Variants in KIAA1217 observed in about 807,000 individuals in gnomAD.
KIAA1217 encodes the protein KIAA1217, also known as sickle tail protein homolog.
KIAA1217 carries 88 observed loss-of-function variants against 163.9 expected under a neutral mutation model. The ratio of observed to expected loss-of-function variants is 0.54; its 90% confidence interval spans 0.45 to 0.64. The LOEUF (loss-of-function observed/expected upper bound fraction) is 0.64, where lower values mean the gene tolerates loss of function less well. KIAA1217 is among the 30% of genes least tolerant of loss of function. The probability of loss-of-function intolerance (pLI) is 0.00; values close to 1 mark genes in which losing one functional copy is unlikely to be tolerated. For synonymous variants in KIAA1217, 903 were observed against 923.1 expected (o/e 0.98, Z 0.39); for missense variants, 2,372 against 2,475.0 (o/e 0.96, Z 0.88).
intron 1 of KIAA1217, among the ~76,000 whole-genome samples, chr10:23,763,520 T>C (rs1834366506): frequency 6.6e-6 from 1 of 151,794 alleles, no homozygotes; most frequent in South Asian, 2.1e-4. Context: ...GGAAGGTAAA[T>C]GGTGCTGAGA....
chr10:24,320,518 G>T (rs976058959), intron 2 of KIAA1217, among the ~76,000 whole-genome samples: 1 of 152,138 alleles, frequency 6.6e-6, no homozygotes, highest in Admixed American at 6.5e-5. Context: ...TCTTCAGGAG[G>T]CCCCTATTAT....
At chr10:23,733,456 A>C (rs1193936263) in intron 1 of KIAA1217, among the ~76,000 whole-genome samples, 5 of 152,166 alleles carry the variant, frequency 3.3e-5, no homozygotes, top group Non-Finnish European at 5.9e-5. Flanking sequence ...TAGATGCTGG[A>C]GTCTTTTCTA....
At chr10:23,979,207 T>G (rs1234757924) in intron 1 of KIAA1217, among the ~76,000 whole-genome samples, 7 of 152,188 alleles carry the variant, frequency 4.6e-5, no homozygotes, top group Non-Finnish European at 8.8e-5. Flanking sequence ...CTTCCCAACA[T>G]TCCTTAGACT....
chr10:24,114,984 G>A (rs1049103932), intron 2 of KIAA1217, among the ~76,000 whole-genome samples: 10 of 152,110 alleles, frequency 6.6e-5, no homozygotes, highest in South Asian at 2.1e-4. Context: ...CTCAGCTTCC[G>A]GCATGTGGCT....
chr10:23,995,467 TGTGTGTGTGTGTGTGA>T, intron 1 of KIAA1217, among the ~76,000 whole-genome samples: 1 of 151,834 alleles, frequency 6.6e-6, no homozygotes, highest in East Asian at 1.9e-4. Flanking sequence ...TGTGTGTGTG[TGTGTGTGTGTGTGTGA>T]GTGTGTGTGT....
At chr10:23,757,717 C>A (rs1345718778) in intron 1 of KIAA1217, among the ~76,000 whole-genome samples, 1 of 152,004 alleles carries the variant, frequency 6.6e-6, no homozygotes, top group East Asian at 1.9e-4. Flanking sequence ...GGGTTTTCAC[C>A]ATGTTGGCCA....
intron 5 of KIAA1217, among the ~76,000 whole-genome samples, chr10:24,447,962 T>G (rs759175655): frequency 1.4e-4 from 21 of 151,950 alleles, no homozygotes; most frequent in Admixed American, 5.2e-4. Flanking sequence ...AAACCCTATC[T>G]CTACTAAAAA....
At chr10:24,224,343 C>CT (rs141232731) in intron 2 of KIAA1217, among the ~76,000 whole-genome samples, 2,689 of 148,750 alleles carry the variant, frequency 0.018, 29 homozygotes, top group African/African-American at 0.023. Flanking sequence ...TTTTTTCTTT[C>CT]TTTTTTTTTT....
intron 2 of KIAA1217, among the ~76,000 whole-genome samples, chr10:24,238,786 C>G (rs985070353): frequency 6.6e-6 from 1 of 152,142 alleles, no homozygotes; most frequent in Non-Finnish European, 1.5e-5. Context: ...CACGCATGGC[C>G]GCTGTAGGTT....
chr10:24,366,344 C>CT (rs968681819), intron 2 of KIAA1217, among the ~76,000 whole-genome samples: 26 of 152,100 alleles, frequency 1.7e-4, no homozygotes, highest in African/African-American at 5.1e-4. Context: ...ACTCCGGAGG[C>CT]TGAGGCAGGA....
At chr10:23,699,216 C>G (rs76470662) in intron 1 of KIAA1217, among the ~76,000 whole-genome samples, 1 of 152,198 alleles carries the variant, frequency 6.6e-6, no homozygotes, top group Non-Finnish European at 1.5e-5. Flanking sequence ...GTTTCAGACA[C>G]GGGCCTGGTC....
intron 1 of KIAA1217, among the ~76,000 whole-genome samples, chr10:23,854,862 G>A (rs1237753496): frequency 6.6e-6 from 1 of 151,874 alleles, no homozygotes; most frequent in Non-Finnish European, 1.5e-5. Context: ...TTTTCCATTT[G>A]CTTGGTAGAT....
intron 2 of KIAA1217, among the ~76,000 whole-genome samples, chr10:24,249,450 TCATATTTAAGC>T (rs2074231035): frequency 6.6e-6 from 1 of 152,176 alleles, no homozygotes; most frequent in Non-Finnish European, 1.5e-5. Context: ...TGGTGCTAGG[TCATATTTAAGC>T]CTAATTGAGC....
At chr10:23,938,977 T>C (rs1040808281) in intron 1 of KIAA1217, among the ~76,000 whole-genome samples, 2 of 152,172 alleles carry the variant, frequency 1.3e-5, no homozygotes, top group Admixed American at 1.3e-4. Flanking sequence ...ATTAGGACAT[T>C]AAAACAGCTT....
chr10:24,038,111 T>C (rs1205769121), intron 2 of KIAA1217, among the ~76,000 whole-genome samples: 2 of 152,222 alleles, frequency 1.3e-5, no homozygotes, highest in African/African-American at 4.8e-5. Flanking sequence ...CAAGCAAATG[T>C]TTCTCTGTCA....
chr10:23,910,158 G>A (rs575970175), intron 1 of KIAA1217, among the ~76,000 whole-genome samples: 26 of 152,154 alleles, frequency 1.7e-4, no homozygotes, highest in African/African-American at 6.0e-4. Context: ...AGGGGCGTGG[G>A]GGCTGGGGAA....
chr10:24,037,479 G>T (rs551835456), intron 2 of KIAA1217, among the ~76,000 whole-genome samples: 1 of 152,204 alleles, frequency 6.6e-6, no homozygotes, highest in East Asian at 1.9e-4. Context: ...AATAGAGCAA[G>T]ACTCTGTCTC....
At chr10:24,048,444 G>A (rs891367738) in intron 2 of KIAA1217, among the ~76,000 whole-genome samples, 14 of 152,040 alleles carry the variant, frequency 9.2e-5, no homozygotes, top group African/African-American at 1.2e-4. Context: ...TAAAATTTTC[G>A]CCCAGGTTGG....
intron 2 of KIAA1217, among the ~76,000 whole-genome samples, chr10:24,122,247 A>C (rs1285870472): frequency 6.6e-6 from 1 of 151,738 alleles, no homozygotes; most frequent in Non-Finnish European, 1.5e-5. Context: ...AACATGTAAT[A>C]TTTGGTTTTC....
Sources: allele counts gnomAD v4.1 joint callset (sites outside exome capture counted in the v4.1 genomes callset), GRCh38; gene constraint gnomAD v4.1.1; transcripts MANE v1.5; gene names NCBI Gene and HGNC (gene_info 2026-07-23, HGNC 2026-07-21).